ACOT12: variants seen among roughly 807,000 people sequenced by gnomAD.
ACOT12 encodes the protein acetyl-coenzyme A thioesterase.
Under a neutral mutation model 67.7 loss-of-function variants are expected in ACOT12, and 51 were observed. The ratio of observed to expected loss-of-function variants is 0.75; its 90% CI spans 0.60 to 0.95. The LOEUF is 0.95. ACOT12 is among the 40% of genes least tolerant of loss of function. ACOT12 has a pLI of 0.00. For missense variants in ACOT12, 734 were observed against 708.1 expected (o/e 1.04, Z -0.41); for synonymous variants, 251 against 244.6 (o/e 1.03, Z -0.24).
intron 1 of ACOT12, among the ~76,000 whole-genome samples, chr5:81,388,983 G>A (rs1346998007): frequency 6.6e-6 from 1 of 152,184 alleles, no homozygotes; most frequent in Non-Finnish European, 1.5e-5. Flanking sequence ...CCACCCACAT[G>A]GAACTGTGAG....
intron 3 of ACOT12, among the ~76,000 whole-genome samples, chr5:81,369,274 T>C (rs969171233): frequency 2.0e-5 from 3 of 152,016 alleles, no homozygotes; most frequent in African/African-American, 4.8e-5. Context: ...GACTGATCAG[T>C]AGAGTCTGAG....
intron 2 of ACOT12, among the ~76,000 whole-genome samples, chr5:81,376,554 GT>G (rs1242353304): frequency 2.2e-4 from 33 of 152,034 alleles, no homozygotes; most frequent in Admixed American, 2.2e-3. Context: ...TCCAGAAGCT[GT>G]TTTTCTGAAA....
At position 81,330,152 on chromosome 5, in the gene ACOT12, C is replaced by T. The variant is rs902715678; in HGVS notation, c.*242G>A. On this transcript the variant is annotated 3_prime_UTR_variant, in exon 15 of 15. Transcript: ENST00000307624. The stretch of plus-strand genomic sequence containing the variant: ...CTGCATACAGGCAATTTTCCACTAT[C>T]TGTGCCCCTGGAAGAGGCAGAGCCA... The T allele has an allele frequency of 2.5e-6, 1 of 396,010 alleles. No individual in the cohort carries two copies. Among genetic ancestry groups the T allele is most frequent in the African/African-American group, 2.0e-5 (1 of 50,158 alleles). 24.5% of individuals were successfully genotyped at this position (396,010 alleles called of 1,614,324 possible).
chr5:81,375,803 T>C (rs1760393555), intron 2 of ACOT12, among the ~76,000 whole-genome samples: 1 of 152,066 alleles, frequency 6.6e-6, no homozygotes, highest in South Asian at 2.1e-4. Context: ...CCTAAATATA[T>C]ATGCACCCAA....
chr5:81,348,809 C>A (rs1396756434), intron 5 of ACOT12, among the ~76,000 whole-genome samples: 2 of 152,336 alleles, frequency 1.3e-5, no homozygotes, highest in African/African-American at 2.4e-5. Flanking sequence ...GGTGATCTGC[C>A]CGCCTCGGCC....
At chr5:81,382,831 G>T (rs68080552) in intron 2 of ACOT12, among the ~76,000 whole-genome samples, 21,193 of 151,536 alleles carry the variant, frequency 0.14, 1,869 homozygotes, top group African/African-American at 0.24. Context: ...AGAATAACAT[G>T]GATGAATTGT....
chr5:81,360,082 A>G (rs777735858), intron 4 of ACOT12, 44 bp from the exon 5 acceptor site: 1 of 1,569,890 alleles, frequency 6.4e-7, no homozygotes, highest in Non-Finnish European at 8.6e-7. Flanking sequence ...TTGTTAAATT[A>G]TAAAAGCACA....
Position 81,330,451 on chromosome 5 carries a change from G to A in ACOT12, c.1611C>T (p.Ala537=), listed in dbSNP as rs1758778451. ...GWSKSIEETA[A]SCIQFLENPP... Reference sequence around the variant, plus strand: ...GATTCTCTAAGAACTGTATACAAGAGGCTGCTGTTTCTTCAATGGATTTTG... The same window carrying A: ...GATTCTCTAAGAACTGTATACAAGAAGCTGCTGTTTCTTCAATGGATTTTG... The change falls in exon 15 of 15, where the codon GCC becomes GCT. Residue 537 remains alanine (A), a synonymous_variant. Transcript: ENST00000307624. 6.2e-7 allele frequency: 1 copy of A among 1,614,088 alleles called. No homozygotes were observed. The highest frequency in any genetic ancestry group is 8.5e-7 in the Non-Finnish European group (1 of 1,179,988).
In ACOT12 at chr5:81,377,254, A is replaced by G. The variant is rs182228476; in HGVS notation, c.198-5444T>C. Among the ~76,000 whole-genome samples the G allele has an allele frequency of 5.3e-5, 8 of 152,354 alleles. No individual in the cohort carries two copies. In the South Asian group the frequency reaches 1.5e-3, roughly 28 times the overall value. ...TGACAAAAACCACATAATTGTCTCA[A>G]TACATGCAGAAAAGGCCTTCAACAA... On this transcript the variant is annotated intron_variant, in intron 2 of 14. Transcript: ENST00000307624.
At chr5:81,386,046 C>A (rs940905170) in intron 1 of ACOT12, among the ~76,000 whole-genome samples, 1 of 152,118 alleles carries the variant, frequency 6.6e-6, no homozygotes, top group Non-Finnish European at 1.5e-5. Flanking sequence ...ACTTTTTATC[C>A]TAATTTTTAA....
chr5:81,375,151 A>G (rs1175323879), intron 2 of ACOT12, among the ~76,000 whole-genome samples: 6 of 152,250 alleles, frequency 3.9e-5, no homozygotes, highest in Non-Finnish European at 8.8e-5. Context: ...TCTCTGCAGA[A>G]ACCCTGCAAG....
downstream of ACOT12, among the ~76,000 whole-genome samples, chr5:81,329,757 C>T (rs1401928962): frequency 6.6e-6 from 1 of 152,208 alleles, no homozygotes; most frequent in Non-Finnish European, 1.5e-5. Flanking sequence ...TGTAATACTA[C>T]ATTTTACAGG....
chr5:81,352,768 G>A (rs867678081), intron 5 of ACOT12, among the ~76,000 whole-genome samples: 30 of 152,116 alleles, frequency 2.0e-4, no homozygotes, highest in Non-Finnish European at 2.1e-4. Context: ...TGTCACACTT[G>A]AAGGAGTGGA....
the ACOT12 span, chr5:81,311,166 C>T: frequency 6.2e-7 from 1 of 1,607,528 alleles, no homozygotes; most frequent in East Asian, 2.2e-5. Flanking sequence ...TTAAAAACCC[C>T]TTGCAAGTAT....
chr5:81,369,221 T>C (rs1188319745), intron 3 of ACOT12, among the ~76,000 whole-genome samples: 2 of 151,490 alleles, frequency 1.3e-5, no homozygotes, highest in Middle Eastern at 3.5e-3. Flanking sequence ...CATCTATTAA[T>C]AGTAATGCAT....
the ACOT12 span, among the ~76,000 whole-genome samples, chr5:81,313,472 A>G: frequency 0.26 from 38,911 of 152,208 alleles, 5,466 homozygotes; most frequent in Middle Eastern, 0.39. Context: ...TTTTGTTCTC[A>G]TGTTTTAGAT....
chr5:81,373,263 G>C (rs1760309255), intron 2 of ACOT12, among the ~76,000 whole-genome samples: 1 of 152,208 alleles, frequency 6.6e-6, no homozygotes, highest in South Asian at 2.1e-4. Flanking sequence ...AGTGCAAGGG[G>C]TCAGGGGATT....
At chr5:81,332,752 C>T (rs984146022) in intron 12 of ACOT12, 147 bp from the exon 13 acceptor site, 3 of 943,988 alleles carry the variant, frequency 3.2e-6, no homozygotes, top group Non-Finnish European at 4.7e-6. Context: ...AGCATTATTG[C>T]TCAAGTCTGC....
chr5:81,337,099 C>A (rs951707948), intron 11 of ACOT12, among the ~76,000 whole-genome samples: 3 of 152,180 alleles, frequency 2.0e-5, no homozygotes, highest in Non-Finnish European at 2.9e-5. Context: ...GCATGCCTAA[C>A]TTTGCCCCCA....
Sources: allele counts gnomAD v4.1 joint callset (sites outside exome capture counted in the v4.1 genomes callset), GRCh38; gene constraint gnomAD v4.1.1; transcripts MANE v1.5; gene names NCBI Gene and HGNC (gene_info 2026-07-23, HGNC 2026-07-21).